The following RYR2 variants were observed in gnomAD, a reference collection of about 807,000 sequenced individuals.
The protein encoded by RYR2 is ryanodine receptor 2, also known as cardiac muscle ryanodine receptor-calcium release channel.
In RYR2, 227 loss-of-function variants were observed where a neutral mutation model predicts 601.1. That is an observed-to-expected ratio of 0.38 (90% CI 0.34 to 0.42). The LOEUF is 0.42. Among genes scored for constraint, RYR2 ranks in the 10% least tolerant of loss-of-function variants. The pLI, the probability that RYR2 is intolerant of heterozygous loss-of-function variation, is 1.00. For missense variants in RYR2, 4,646 were observed against 6,156.5 expected (o/e 0.75, Z 8.21); for synonymous variants, 2,223 against 2,175.1 (o/e 1.02, Z -0.61).
At chr1:237,349,463 T>G (rs1441039727) in intron 3 of RYR2, among the ~76,000 whole-genome samples, 4 of 152,092 alleles carry the variant, frequency 2.6e-5, no homozygotes, top group African/African-American at 9.7e-5. Context: ...GATACCAGAC[T>G]GAAAAGAGTA....
At position 237,563,673 on chromosome 1, in the gene RYR2, A is replaced by G. The variant is rs370174057; in HGVS notation, c.3215-2894A>G. Among the ~76,000 whole-genome samples the G allele has an allele frequency of 1.1e-3, 168 of 152,180 alleles. 1 individual carries two copies. Among genetic ancestry groups the G allele is most frequent in the African/African-American group, 3.9e-3 (163 of 41,518 alleles). ...AGTACCCCCTATTTTCATTCCCTAT[A>G]GTAATAAAGGGGATTAGTGGTATGT... On this transcript the variant is annotated intron_variant, in intron 27 of 104. Coordinates refer to ENST00000366574, the MANE Select transcript of RYR2 (RefSeq NM_001035.3).
At chr1:237,370,112 C>T (rs779549384) in intron 6 of RYR2, among the ~76,000 whole-genome samples, 2 of 151,958 alleles carry the variant, frequency 1.3e-5, no homozygotes, top group Middle Eastern at 3.4e-3. Context: ...TTTTCTTATT[C>T]TTTGCCTCAT....
At chr1:237,425,351 C>A (rs1245736564) in intron 12 of RYR2, among the ~76,000 whole-genome samples, 1 of 152,130 alleles carries the variant, frequency 6.6e-6, no homozygotes, top group Admixed American at 6.6e-5. Context: ...TACATTTTGA[C>A]TCTCCAAAAA....
rs1683411144 is a variant in RYR2 at position 237,657,932 on chromosome 1, C to A, written c.8130-12C>A. 7.0e-7 allele frequency: 1 copy of A among 1,422,178 alleles called. No homozygotes were observed. 88.1% of individuals were successfully genotyped at this position (1,422,178 alleles called of 1,614,324 possible). A position where few individuals can be genotyped will look rare whatever the true frequency, so the allele number is the denominator to read the frequency against. On this transcript the variant is annotated splice_polypyrimidine_tract_variant and intron_variant, in intron 53 of 104. Coordinates refer to ENST00000366574, the MANE Select transcript of RYR2 (RefSeq NM_001035.3). ...TGAAAATCAAGCTCTTTTGTCTTTACTTTTCTCATAGTATTACAATTCCTG... is the reference window on the plus strand; with the variant it reads ...TGAAAATCAAGCTCTTTTGTCTTTAATTTTCTCATAGTATTACAATTCCTG...
intron 1 of RYR2, among the ~76,000 whole-genome samples, chr1:237,205,863 A>C (rs1368878148): frequency 1.3e-5 from 2 of 152,178 alleles, no homozygotes; most frequent in Non-Finnish European, 2.9e-5. Context: ...GAGGACGCCT[A>C]CTGTCTGGAC....
intron 1 of RYR2, among the ~76,000 whole-genome samples, chr1:237,112,768 T>C (rs2490390): frequency 0.7 from 107,044 of 151,966 alleles, 38,419 homozygotes; most frequent in Non-Finnish European, 0.77. Flanking sequence ...CTCTTAGGAA[T>C]GGGGATCATG....
At chr1:237,547,144 T>A (rs1204847141) in intron 25 of RYR2, among the ~76,000 whole-genome samples, 1 of 151,664 alleles carries the variant, frequency 6.6e-6, no homozygotes, top group Non-Finnish European at 1.5e-5. Context: ...TAGCTGGGAT[T>A]ACAGGCACCC....
intron 27 of RYR2, among the ~76,000 whole-genome samples, chr1:237,561,778 T>C (rs1263443623): frequency 2.2e-4 from 33 of 152,236 alleles, no homozygotes. Context: ...CAGTTTACAA[T>C]AGCAATATAA....
At chr1:237,697,713 C>A (rs12079834) in intron 63 of RYR2, among the ~76,000 whole-genome samples, 54,051 of 149,206 alleles carry the variant, frequency 0.36, 10,749 homozygotes, top group East Asian at 0.6. Context: ...TTTAATCTTT[C>A]TTTGTTAAGT....
intron 84 of RYR2, among the ~76,000 whole-genome samples, chr1:237,767,673 A>T (rs1364359007): frequency 3.9e-5 from 6 of 152,214 alleles, no homozygotes; most frequent in African/African-American, 1.4e-4. Flanking sequence ...CTTATTTTTT[A>T]AATTTACTTT....
intron 27 of RYR2, among the ~76,000 whole-genome samples, chr1:237,565,157 CT>C (rs1671867301): frequency 3.8e-5 from 2 of 52,868 alleles, no homozygotes; most frequent in African/African-American, 9.7e-5. Context: ...TTCTTTCTTT[CT>C]CTTTCTTTCT....
rs1394058243 is a variant in RYR2, at chr1:237,443,875, T to A, written c.1171-1526T>A. Among the ~76,000 whole-genome samples, 4 of 152,228 alleles carry A rather than the reference T, an allele frequency of 2.6e-5. No homozygotes were observed. The East Asian group carries it at 7.7e-4, about 29-fold the overall frequency. ...AAGGTAGCTGTTCTTTGAAACTTTA[T>A]CACAGCTCACCTGTGAAACCAGCTG... On this transcript the variant is annotated intron_variant, in intron 13 of 104. Coordinates refer to ENST00000366574, the MANE Select transcript of RYR2 (RefSeq NM_001035.3).
At position 237,769,835 on chromosome 1, in the gene RYR2, G is replaced by A. The variant is rs558146595; in HGVS notation, c.11477-972G>A. On this transcript the variant is annotated intron_variant, in intron 84 of 104. Transcript: ENST00000366574. Reference sequence around the variant, plus strand: ...AATTTAGATTTTGGAGCAGCTGCTCGTAATGTGGAAGTGTTTTTTTTCCCC... The same window carrying A: ...AATTTAGATTTTGGAGCAGCTGCTCATAATGTGGAAGTGTTTTTTTTCCCC... Among the ~76,000 whole-genome samples the A allele has an allele frequency of 6.0e-5, 9 of 150,310 alleles. No individual in the cohort carries two copies. The South Asian group carries it at 1.5e-3, about 25-fold the overall frequency.
rs1675809815 is a variant in RYR2 at position 237,595,632 on chromosome 1, G to A, written c.4571G>A (p.Gly1524Asp). 1 of 1,613,232 alleles carries A rather than the reference G, an allele frequency of 6.2e-7. No homozygotes were observed. Among genetic ancestry groups the A allele is most frequent in the South Asian group, 1.1e-5 (1 of 90,882 alleles). The change falls in exon 34 of 105, where the codon GGC becomes GAC. Residue 1524 changes from glycine (G) to aspartate (D), a missense_variant. By Grantham distance (94) the Gly-to-Asp change is moderately conservative. This residue lies in a region of RYR2 where 1,807 missense variants were observed against 2,088.1 expected (regional missense o/e 0.87). Coordinates refer to ENST00000366574, the MANE Select transcript of RYR2 (RefSeq NM_001035.3). ...GGGCTGCTCACATTCATTGCCAATG[G>A]CAAGGAACTGAGCACATACTATCAG... ...ASGLLTFIAN[G>D]KELSTYYQVE...
intron 71 of RYR2, among the ~76,000 whole-genome samples, chr1:237,713,893 A>G (rs1242061667): frequency 2.6e-5 from 4 of 151,900 alleles, no homozygotes; most frequent in African/African-American, 9.7e-5. Flanking sequence ...AAGCTAGGCT[A>G]ATTTTTATAA....
At chr1:237,054,372 CTG>C (rs1489204652) in intron 1 of RYR2, among the ~76,000 whole-genome samples, 1 of 119,790 alleles carries the variant, frequency 8.3e-6, no homozygotes, top group Non-Finnish European at 1.6e-5. Context: ...TGGTAAAAGA[CTG>C]TAAATTGGAT....
At chr1:237,553,540 CT>C in intron 27 of RYR2, among the ~76,000 whole-genome samples, 1 of 151,546 alleles carries the variant, frequency 6.6e-6, no homozygotes, top group African/African-American at 2.4e-5. Context: ...GTTTTTTGTT[CT>C]TCTTTTGCAT....
At chr1:237,525,015 G>A (rs2805438) in intron 24 of RYR2, among the ~76,000 whole-genome samples, 75,713 of 151,840 alleles carry the variant, frequency 0.5, 19,087 homozygotes, top group East Asian at 0.58. Flanking sequence ...TTACCTATGT[G>A]CGTTGTTACA....
Position 237,832,678 on chromosome 1 carries a change from A to C in RYR2, c.*31A>C. The C allele has an allele frequency of 7.7e-7, 1 of 1,292,776 alleles. No individual in the cohort carries two copies. The highest frequency in any genetic ancestry group is 1.1e-6 in the Non-Finnish European group (1 of 896,304). 80.1% of individuals were successfully genotyped at this position (1,292,776 alleles called of 1,614,324 possible). ...GACCCAATCACCTCTAAAAACCAAA[A>C]CCCTACCCCTCTCTCTCCCTCTCTC... On this transcript the variant is annotated 3_prime_UTR_variant, in exon 105 of 105. Transcript: ENST00000366574.
Sources: gnomAD v4.1 joint callset for allele counts (sites outside exome capture counted in the v4.1 genomes callset) on GRCh38, gnomAD v4.1.1 for gene constraint, gnomAD v4.1.1 regional missense constraint, MANE v1.5 for transcripts, NCBI Gene and HGNC (gene_info 2026-07-23, HGNC 2026-07-21) for gene names.